The following TAFA1 variants were observed in gnomAD, a reference collection of about 807,000 sequenced individuals.
The protein encoded by TAFA1 is chemokine-like protein TAFA-1.
TAFA1 carries 4 observed loss-of-function variants against 18.5 expected under a neutral mutation model. That is an observed-to-expected ratio of 0.22 (90% CI 0.11 to 0.49). The LOEUF (loss-of-function observed/expected upper bound fraction) is 0.49. Among genes scored for constraint, TAFA1 ranks in the 20% least tolerant of loss-of-function variants. The pLI, the probability that TAFA1 is intolerant of heterozygous loss-of-function variation, is 0.98. For missense variants in TAFA1, 147 were observed against 169.0 expected (o/e 0.87, Z 0.72); for synonymous variants, 56 against 55.2 (o/e 1.01, Z -0.06).
chr3:68,391,310 G>GA (rs1324495638), intron 2 of TAFA1, among the ~76,000 whole-genome samples: 4 of 152,164 alleles, frequency 2.6e-5, no homozygotes, highest in African/African-American at 9.6e-5. Context: ...CAAGATTAGA[G>GA]AAAAAAGAGA....
At chr3:68,038,021 T>G (rs1173653793) in intron 2 of TAFA1, among the ~76,000 whole-genome samples, 2 of 152,184 alleles carry the variant, frequency 1.3e-5, no homozygotes, top group African/African-American at 4.8e-5. Context: ...TTTAAATTAT[T>G]ATATTATAAA....
At chr3:68,216,212 G>T (rs748259979) in intron 2 of TAFA1, among the ~76,000 whole-genome samples, 1 of 151,978 alleles carries the variant, frequency 6.6e-6, no homozygotes, top group African/African-American at 2.4e-5. Context: ...CAGAAAAACT[G>T]CTCTGTACGA....
At chr3:68,092,057 C>T (rs185590798) in intron 2 of TAFA1, among the ~76,000 whole-genome samples, 1 of 152,252 alleles carries the variant, frequency 6.6e-6, no homozygotes, top group Admixed American at 6.5e-5. Context: ...TCTCCCAAAT[C>T]ACAAAACATA....
the TAFA1 span, among the ~76,000 whole-genome samples, chr3:67,995,047 A>G: frequency 3.3e-5 from 5 of 151,396 alleles, no homozygotes; most frequent in Non-Finnish European, 5.9e-5. Flanking sequence ...TATGAACTAG[A>G]AAAAAAAACA....
chr3:68,458,483 ATATACCTG>A (rs1222065469), intron 3 of TAFA1, among the ~76,000 whole-genome samples: 3 of 152,174 alleles, frequency 2.0e-5, no homozygotes, highest in Non-Finnish European at 2.9e-5. Context: ...CATGAGAACC[ATATACCTG>A]TTCATTGTTT....
intron 2 of TAFA1, among the ~76,000 whole-genome samples, chr3:68,113,336 AC>A (rs1318472667): frequency 2.0e-5 from 3 of 152,212 alleles, no homozygotes; most frequent in Non-Finnish European, 4.4e-5. Flanking sequence ...TTTTCCATAA[AC>A]GGTGCTGGGA....
At chr3:68,225,963 A>T (rs930237906) in intron 2 of TAFA1, among the ~76,000 whole-genome samples, 1 of 152,218 alleles carries the variant, frequency 6.6e-6, no homozygotes, top group African/African-American at 2.4e-5. Flanking sequence ...ACATAAATTT[A>T]TAGCCTGTAG....
At chr3:68,063,053 T>G (rs2064625746) in intron 2 of TAFA1, among the ~76,000 whole-genome samples, 1 of 152,144 alleles carries the variant, frequency 6.6e-6, no homozygotes, top group Non-Finnish European at 1.5e-5. Flanking sequence ...GTATCCAGAT[T>G]AAAAAAACAG....
intron 2 of TAFA1, among the ~76,000 whole-genome samples, chr3:68,290,026 C>G (rs978988416): frequency 6.6e-6 from 1 of 152,150 alleles, no homozygotes; most frequent in South Asian, 2.1e-4. Flanking sequence ...ACAAATATAA[C>G]CCAGATAATA....
intron 3 of TAFA1, among the ~76,000 whole-genome samples, chr3:68,451,235 T>C (rs2071562167): frequency 6.6e-6 from 1 of 151,994 alleles, no homozygotes; most frequent in South Asian, 2.1e-4. Context: ...AATAGGAAAA[T>C]AAATATTGTA....
At chr3:68,098,266 T>A (rs2065110428) in intron 2 of TAFA1, among the ~76,000 whole-genome samples, 3 of 152,022 alleles carry the variant, frequency 2.0e-5, no homozygotes, top group Admixed American at 6.6e-5. Context: ...TGTTTTTTTT[T>A]AAATGTTTCT....
intron 2 of TAFA1, among the ~76,000 whole-genome samples, chr3:68,093,152 C>A (rs2065047458): frequency 6.6e-6 from 1 of 152,116 alleles, no homozygotes; most frequent in Non-Finnish European, 1.5e-5. Context: ...GGAAAGAATG[C>A]TGGAGTGAGC....
At chr3:68,162,430 C>T (rs1364308824) in intron 2 of TAFA1, among the ~76,000 whole-genome samples, 1 of 152,128 alleles carries the variant, frequency 6.6e-6, no homozygotes, top group Admixed American at 6.5e-5. Flanking sequence ...TAATGCGCGG[C>T]TGATCTGACA....
At chr3:68,366,952 A>G (rs1296838470) in intron 2 of TAFA1, among the ~76,000 whole-genome samples, 1 of 152,216 alleles carries the variant, frequency 6.6e-6, no homozygotes, top group East Asian at 1.9e-4. Flanking sequence ...CACTCTGGAC[A>G]TTGACCCTGA....
chr3:68,134,394 G>A (rs1334096892), intron 2 of TAFA1, among the ~76,000 whole-genome samples: 2 of 151,962 alleles, frequency 1.3e-5, no homozygotes, highest in Middle Eastern at 3.2e-3. Flanking sequence ...ATATATACAC[G>A]TACATATGGT....
At chr3:68,178,793 A>G (rs538181906) in intron 2 of TAFA1, among the ~76,000 whole-genome samples, 1 of 152,336 alleles carries the variant, frequency 6.6e-6, no homozygotes, top group East Asian at 1.9e-4. Context: ...AGGAGTTTAG[A>G]TTCAATTTAG....
chr3:68,013,275 G>C (rs888387901), intron 2 of TAFA1, among the ~76,000 whole-genome samples: 4 of 152,064 alleles, frequency 2.6e-5, no homozygotes, highest in Non-Finnish European at 5.9e-5. Flanking sequence ...GGATGTATGT[G>C]CATTTTTGTG....
intron 3 of TAFA1, among the ~76,000 whole-genome samples, chr3:68,512,348 G>C (rs926920229): frequency 6.6e-6 from 1 of 151,912 alleles, no homozygotes; most frequent in Non-Finnish European, 1.5e-5. Context: ...TCAACACAAA[G>C]AATAATGAGC....
At chr3:68,048,881 C>G (rs1280314923) in intron 2 of TAFA1, among the ~76,000 whole-genome samples, 1 of 152,120 alleles carries the variant, frequency 6.6e-6, no homozygotes, top group African/African-American at 2.4e-5. Flanking sequence ...ACTGAGGTTT[C>G]TCTCAAATCT....
Sources: gnomAD v4.1 joint callset for allele counts (sites outside exome capture counted in the v4.1 genomes callset) on GRCh38, gnomAD v4.1.1 for gene constraint, MANE v1.5 for transcripts, NCBI Gene and HGNC (gene_info 2026-07-23, HGNC 2026-07-21) for gene names.